Variants in DZANK1 observed in about 807,000 individuals in gnomAD.
The protein encoded by DZANK1 is double zinc ribbon and ankyrin repeat domains 1, also known as double zinc ribbon and ankyrin repeat-containing protein 1.
In DZANK1, 91 loss-of-function variants were observed where a neutral mutation model predicts 94.5. The ratio of observed to expected loss-of-function variants is 0.96; its 90% CI spans 0.81 to 1.15. The LOEUF (loss-of-function observed/expected upper bound fraction) is 1.15. Among genes scored for constraint, DZANK1 ranks in the 50% most tolerant of loss-of-function variants. The pLI is 0.00. For synonymous variants in DZANK1, 312 were observed against 325.3 expected, an observed-to-expected ratio of 0.96 and a Z score of 0.44; for missense variants, 903 against 916.4, an observed-to-expected ratio of 0.99 and a Z score of 0.19.
At chr20:18,421,846 T>G (rs2057796714) in intron 10 of DZANK1, among the ~76,000 whole-genome samples, 1 of 152,300 alleles carries the variant, frequency 6.6e-6, no homozygotes, top group African/African-American at 2.4e-5. Context: ...TGCCCTACCA[T>G]GCAGCTTCTG....
chr20:18,387,747 G>A (rs2048593580), intron 19 of DZANK1, among the ~76,000 whole-genome samples: 1 of 152,318 alleles, frequency 6.6e-6, no homozygotes, highest in Non-Finnish European at 1.5e-5. Flanking sequence ...ATTCTGGTAG[G>A]AATGATACAA....
chr20:18,394,283 C>A (rs2056198515), exon 16 of DZANK1: 3 of 1,613,640 alleles, frequency 1.9e-6, no homozygotes, highest in Non-Finnish European at 2.5e-6. Context: ...GCACAGCCCC[C>A]CATCACCCTC....
At chr20:18,404,596 A>C (rs1196283174) in intron 13 of DZANK1, among the ~76,000 whole-genome samples, 1 of 152,248 alleles carries the variant, frequency 6.6e-6, no homozygotes, top group Non-Finnish European at 1.5e-5. Flanking sequence ...CAAAAAAATC[A>C]TGAGACATGC....
At chr20:18,426,229 C>T (rs892793359) in intron 10 of DZANK1, among the ~76,000 whole-genome samples, 1 of 152,116 alleles carries the variant, frequency 6.6e-6, no homozygotes, top group Non-Finnish European at 1.5e-5. Context: ...ATCTAGGTTG[C>T]GCGTTCCTTA....
intron 19 of DZANK1, among the ~76,000 whole-genome samples, 192 bp from the exon 20 acceptor site, chr20:18,385,282 T>C (rs983200810): frequency 6.6e-6 from 1 of 151,732 alleles, no homozygotes; most frequent in African/African-American, 2.4e-5. Flanking sequence ...TGATACTAGA[T>C]AGTGCAAAGG....
At chr20:18,446,062 G>C in intron 7 of DZANK1, among the ~76,000 whole-genome samples, 1 of 105,296 alleles carries the variant, frequency 9.5e-6, no homozygotes. Flanking sequence ...ACCACGCCCA[G>C]CCAAAAAAAA....
At chr20:18,403,796 C>CTTTTTTTTT (rs35824877) in intron 13 of DZANK1, among the ~76,000 whole-genome samples, 18 of 111,738 alleles carry the variant, frequency 1.6e-4, no homozygotes, top group Non-Finnish European at 2.7e-4. Flanking sequence ...AACTTTCTTT[C>CTTTTTTTTT]TTTTTTTTTT....
Position 18,414,509 on chromosome 20 carries a change from C to T in DZANK1, c.1081G>A (p.Gly361Ser), listed in dbSNP as rs117387390. The change falls in exon 12 of 21, where the codon GGC becomes AGC. Residue 361 changes from glycine to serine, a missense_variant. Gly to Ser is a moderately conservative substitution (Grantham distance 56). Transcript: ENST00000262547. ...CAAACAGAACAGCCAGCAGGAATGCCGAGCTAGAGGATAGAAAATATCTTG... is the reference window on the plus strand; with the variant it reads ...CAAACAGAACAGCCAGCAGGAATGCTGAGCTAGAGGATAGAAAATATCTTG... The T allele has an allele frequency of 4.1e-3, 6,632 of 1,603,640 alleles. 129 individuals carry two copies. The highest frequency in any genetic ancestry group is 0.04 in the South Asian group (3,595 of 89,840).
chr20:18,404,214 C>A (rs2056839124), intron 13 of DZANK1, among the ~76,000 whole-genome samples: 1 of 152,036 alleles, frequency 6.6e-6, no homozygotes, highest in Non-Finnish European at 1.5e-5. Context: ...CCCAGGGAAA[C>A]CAAAAGATTG....
intron 13 of DZANK1, among the ~76,000 whole-genome samples, chr20:18,400,529 T>G (rs982827550): frequency 6.6e-6 from 1 of 152,112 alleles, no homozygotes; most frequent in Non-Finnish European, 1.5e-5. Context: ...TCAAGAGAGA[T>G]AAAATTATTT....
Position 18,441,678 on chromosome 20 carries a change from T to A in DZANK1, c.747+1669A>T, listed in dbSNP as rs929016231. Among the ~76,000 whole-genome samples, 1 of 152,138 alleles carries A rather than the reference T, an allele frequency of 6.6e-6. No homozygotes were observed. The highest frequency in any genetic ancestry group is 1.5e-5 in the Non-Finnish European group (1 of 68,036). On this transcript the variant is annotated intron_variant, in intron 8 of 20. Transcript: ENST00000262547. This position sits in a 1 kb window ranked among gnomAD's most constrained non-coding sequence, Gnocchi z 4.1. ...CGGATGGCAGAGAAGTTCACTGAGGTGACACAGATCAGAGCCAGCAAGGAA... is the reference window on the plus strand; with the variant it reads ...CGGATGGCAGAGAAGTTCACTGAGGAGACACAGATCAGAGCCAGCAAGGAA...
At chr20:18,457,600 T>C (rs2059333812) in intron 3 of DZANK1, among the ~76,000 whole-genome samples, 1 of 152,218 alleles carries the variant, frequency 6.6e-6, no homozygotes, top group South Asian at 2.1e-4. Flanking sequence ...AGCAAGTTTC[T>C]ACTTGGTTAC....
At chr20:18,466,644 G>A (rs976085187) in intron 1 of DZANK1, among the ~76,000 whole-genome samples, 3 of 152,216 alleles carry the variant, frequency 2.0e-5, no homozygotes, top group African/African-American at 4.8e-5. Context: ...AGTAATTCGC[G>A]AGCGTCAACT....
intron 13 of DZANK1, among the ~76,000 whole-genome samples, chr20:18,411,475 A>G (rs1331814041): frequency 6.6e-6 from 1 of 152,212 alleles, no homozygotes; most frequent in Non-Finnish European, 1.5e-5. Context: ...ATAAAAAGTA[A>G]AGAGTAATCA....
chr20:18,394,142 A>G lies in DZANK1; in HGVS notation c.1708+112T>C, dbSNP rs2056186399. The G allele has an allele frequency of 5.5e-6, 5 of 911,104 alleles. No homozygotes were observed. The South Asian group carries it at 7.8e-5, about 14-fold the overall frequency. 56.4% of individuals were successfully genotyped at this position (911,104 alleles called of 1,614,324 possible). A position where few individuals can be genotyped will look rare whatever the true frequency, so the allele number is the denominator to read the frequency against. Reference sequence around the variant, plus strand: ...AGAGAAATAAAACGTCTGGAACATAACTGCAAGATCTGTGACCGGGCTGTC... The same window carrying G: ...AGAGAAATAAAACGTCTGGAACATAGCTGCAAGATCTGTGACCGGGCTGTC... On this transcript the variant is annotated intron_variant, in intron 16 of 20. Transcript: ENST00000262547.
chr20:18,394,365 C>T lies in DZANK1; in HGVS notation c.1612-15G>A, dbSNP rs746701276. On this transcript the variant is annotated splice_polypyrimidine_tract_variant and intron_variant, in intron 15 of 20. Coordinates refer to ENST00000262547, the Ensembl canonical transcript of DZANK1. ...AGGTAAAGGTTCTGGCCAATGAAAA[C>T]ATTTAAACACCATGAATGATGAGGC... The T allele has an allele frequency of 1.2e-6, 2 of 1,610,428 alleles. No individual in the cohort carries two copies. The highest frequency in any genetic ancestry group is 1.7e-6 in the Non-Finnish European group (2 of 1,178,038).
intron 2 of DZANK1, among the ~76,000 whole-genome samples, 191 bp from the exon 3 acceptor site, chr20:18,460,497 A>AGGCG (rs2148813272): frequency 6.6e-6 from 1 of 152,330 alleles, no homozygotes; most frequent in African/African-American, 2.4e-5. Context: ...TGGGAGGCCG[A>AGGCG]GGCGGGCGGA....
At chr20:18,409,158 T>C (rs6111943) in intron 13 of DZANK1, among the ~76,000 whole-genome samples, 100,359 of 151,864 alleles carry the variant, frequency 0.66, 33,325 homozygotes, top group East Asian at 0.8. Flanking sequence ...CCCACAAAAA[T>C]TTTTTAAATA....
intron 12 of DZANK1, 36 bp from the exon 13 acceptor site, chr20:18,412,889 A>C: frequency 6.5e-7 from 1 of 1,526,870 alleles, no homozygotes; most frequent in Non-Finnish European, 9.0e-7. Context: ...TAAAATTAGA[A>C]TATAATTTAA....
Sources: gnomAD v4.1 joint callset for allele counts (sites outside exome capture counted in the v4.1 genomes callset) on GRCh38, gnomAD v4.1.1 for gene constraint, Gnocchi (gnomAD v3.1) non-coding constraint, MANE v1.5 for transcripts, NCBI Gene and HGNC (gene_info 2026-07-23, HGNC 2026-07-21) for gene names.